The following RGS8 variants were observed in gnomAD, a reference collection of about 807,000 sequenced individuals.
RGS8 encodes the protein regulator of G-protein signaling 8.
A neutral mutation model predicts 21.7 loss-of-function variants in RGS8; 8 were observed. That is an observed-to-expected ratio of 0.37 (90% confidence interval 0.22 to 0.66). RGS8 has a LOEUF of 0.66. RGS8 is among the 30% of genes least tolerant of loss of function. The pLI is 0.59. For synonymous variants in RGS8, 80 were observed against 83.6 expected (o/e 0.96, Z 0.24); for missense variants, 157 against 217.9 (o/e 0.72, Z 1.76).
At chr1:182,727,400 T>A in the RGS8 span, among the ~76,000 whole-genome samples, 1 of 152,246 alleles carries the variant, frequency 6.6e-6, no homozygotes, top group Non-Finnish European at 1.5e-5. Flanking sequence ...ATAATATGTC[T>A]GGAATGAAGA....
chr1:182,676,744 A>C (rs1664374947), upstream of RGS8, among the ~76,000 whole-genome samples: 1 of 152,224 alleles, frequency 6.6e-6, no homozygotes, highest in African/African-American at 2.4e-5. Flanking sequence ...GAAAACCAAG[A>C]AGCACAGGAT....
At chr1:182,724,626 C>T in the RGS8 span, among the ~76,000 whole-genome samples, 13 of 152,078 alleles carry the variant, frequency 8.5e-5, no homozygotes, top group Admixed American at 4.6e-4. Context: ...GGTGCCATCT[C>T]GGCCCACTGC....
chr1:182,741,263 C>A, the RGS8 span, among the ~76,000 whole-genome samples: 1 of 140,530 alleles, frequency 7.1e-6, no homozygotes, highest in South Asian at 2.3e-4. Flanking sequence ...CGCGGCCGGG[C>A]AGAAGCTCCC....
chr1:182,689,258 CACACAG>C (rs1355282711), upstream of RGS8, among the ~76,000 whole-genome samples: 3 of 138,600 alleles, frequency 2.2e-5, no homozygotes, highest in South Asian at 6.7e-4. Flanking sequence ...CGCACGCACA[CACACAG>C]ACACACACAC....
At chr1:182,682,174 T>C (rs1231828933) in intron 1 of RGS8, among the ~76,000 whole-genome samples, 1 of 152,248 alleles carries the variant, frequency 6.6e-6, no homozygotes, top group African/African-American at 2.4e-5. Context: ...CTTACATTTG[T>C]ATAGCGCAGT....
chr1:182,684,892 GC>G (rs1664661291), upstream of RGS8, among the ~76,000 whole-genome samples: 1 of 152,166 alleles, frequency 6.6e-6, no homozygotes, highest in Non-Finnish European at 1.5e-5. The surrounding 1 kb of genome is among the most constrained non-coding windows in gnomAD (Gnocchi z 4.2). Context: ...AGGATAACCT[GC>G]TTTTGCTCAA....
chr1:182,698,324 G>A, the RGS8 span, among the ~76,000 whole-genome samples: 1,257 of 152,286 alleles, frequency 8.3e-3, 14 homozygotes, highest in African/African-American at 0.026. Flanking sequence ...AGGCTCTAGA[G>A]CCAGACTGCC....
At chr1:182,669,676 T>G (rs1346642784) in exon 3 of RGS8, 1 of 1,614,182 alleles carries the variant, frequency 6.2e-7, no homozygotes, top group Admixed American at 1.7e-5. Flanking sequence ...GGTTAACCCT[T>G]GGGCTGGTAT....
chr1:182,672,862 ACT>A (rs1466140364), upstream of RGS8: 1 of 1,613,568 alleles, frequency 6.2e-7, no homozygotes, highest in Admixed American at 1.7e-5. Flanking sequence ...CAGAAGGAGG[ACT>A]CTCTTCCTGC....
chr1:182,682,694 C>T (rs771276243), intron 1 of RGS8, among the ~76,000 whole-genome samples: 44 of 152,216 alleles, frequency 2.9e-4, no homozygotes, highest in Admixed American at 1.1e-3. Flanking sequence ...AATTAATGGC[C>T]CTAAGAAGAC....
chr1:182,673,335 T>TG (rs1183312126), upstream of RGS8, among the ~76,000 whole-genome samples: 1 of 152,200 alleles, frequency 6.6e-6, no homozygotes, highest in African/African-American at 2.4e-5. Flanking sequence ...ATGTTACAGA[T>TG]GAAAAAACTG....
chr1:182,751,466 A>G, the RGS8 span, among the ~76,000 whole-genome samples: 1 of 152,184 alleles, frequency 6.6e-6, no homozygotes, highest in Non-Finnish European at 1.5e-5. Context: ...ACGCGTGCCT[A>G]CGTACAAATC....
At chr1:182,729,550 C>A in the RGS8 span, among the ~76,000 whole-genome samples, 1 of 152,118 alleles carries the variant, frequency 6.6e-6, no homozygotes, top group Admixed American at 6.6e-5. Flanking sequence ...ATGTGAATGA[C>A]TTTAAAAAAC....
the RGS8 span, among the ~76,000 whole-genome samples, chr1:182,748,983 T>C: frequency 2.0e-5 from 3 of 152,218 alleles, no homozygotes; most frequent in South Asian, 4.1e-4. Context: ...GCACTCCTTA[T>C]ATATTTTGAA....
chr1:182,706,148 C>T, the RGS8 span, among the ~76,000 whole-genome samples: 16 of 151,840 alleles, frequency 1.1e-4, no homozygotes, highest in African/African-American at 3.9e-4. Flanking sequence ...ACGCCCAGCT[C>T]ATTTTTGTAT....
the RGS8 span, among the ~76,000 whole-genome samples, chr1:182,701,843 A>G: frequency 6.6e-6 from 1 of 152,222 alleles, no homozygotes; most frequent in African/African-American, 2.4e-5. Context: ...AATGCTCCCC[A>G]TCACTAATCA....
chr1:182,708,691 G>A, the RGS8 span, among the ~76,000 whole-genome samples: 2 of 152,334 alleles, frequency 1.3e-5, no homozygotes, highest in Non-Finnish European at 2.9e-5. Context: ...CCTCAAACCC[G>A]GCCAAGAACA....
the RGS8 span, among the ~76,000 whole-genome samples, chr1:182,726,759 A>G: frequency 2.0e-5 from 3 of 152,174 alleles, no homozygotes; most frequent in South Asian, 2.1e-4. Flanking sequence ...TACTTAATGA[A>G]ACTAGAATGT....
chr1:182,682,773 C>T (rs1398726643), intron 1 of RGS8, among the ~76,000 whole-genome samples: 5 of 137,706 alleles, frequency 3.6e-5, no homozygotes, highest in Non-Finnish European at 6.4e-5. Flanking sequence ...GCTGCTGACC[C>T]ATGGCTGAGA....
Sources: gnomAD v4.1 joint callset for allele counts (sites outside exome capture counted in the v4.1 genomes callset) on GRCh38, gnomAD v4.1.1 for gene constraint, Gnocchi (gnomAD v3.1) non-coding constraint, MANE v1.5 for transcripts, NCBI Gene and HGNC (gene_info 2026-07-23, HGNC 2026-07-21) for gene names.